The following ZNF521 variants were observed in gnomAD, a reference collection of about 807,000 sequenced individuals.
ZNF521 encodes the protein LYST-interacting protein 3.
ZNF521 carries 14 observed loss-of-function variants against 105.5 expected under a neutral mutation model. The ratio of observed to expected loss-of-function variants is 0.13; its 90% confidence interval spans 0.09 to 0.21. The LOEUF (loss-of-function observed/expected upper bound fraction) is 0.21, where lower values mean the gene tolerates loss of function less well. ZNF521 is among the 10% of genes least tolerant of loss of function. ZNF521 has a pLI of 1.00. For missense variants in ZNF521, 1,233 were observed against 1,629.7 expected (o/e 0.76, Z 4.19); for synonymous variants, 635 against 606.0 (o/e 1.05, Z -0.70).
Position 25,224,601 on chromosome 18 carries a change from C to T in ZNF521, c.3317G>A (p.Gly1106Asp). 6.2e-7 allele frequency: 1 copy of T among 1,614,112 alleles called. No individual in the cohort carries two copies. The highest frequency in any genetic ancestry group is 1.7e-5 in the Admixed American group (1 of 60,018). Reference sequence around the variant, plus strand: ...ATTCGTGCCGGGAGGGACGTTAATGCCTGGGCTGGCGCTCTTACTGAGATT... The same window carrying T: ...ATTCGTGCCGGGAGGGACGTTAATGTCTGGGCTGGCGCTCTTACTGAGATT... ...CVNLSKSASP[G>D]INVPPGTNRP... The change falls in exon 4 of 8, where the codon GGC becomes GAC. Residue 1106 changes from glycine (G) to aspartate (D), a missense_variant. Physicochemically the swap from Gly to Asp is moderately conservative, Grantham distance 94. This residue lies in a region of ZNF521 where 614 missense variants were observed against 751.5 expected (regional missense o/e 0.82). Transcript: ENST00000361524.
In ZNF521 at chr18:25,224,487, T is replaced by G; in HGVS notation, c.3431A>C (p.Asn1144Thr). The G allele has an allele frequency of 6.2e-7, 1 of 1,614,086 alleles. No individual in the cohort carries two copies. The highest frequency in any genetic ancestry group is 8.5e-7 in the Non-Finnish European group (1 of 1,179,994). Residue 1144 changes from asparagine to threonine, a missense_variant, in exon 4 of 8, where the codon AAC (asparagine) becomes ACC (threonine). Physicochemically the swap from Asn to Thr is moderately conservative, Grantham distance 65. Around this residue, in one of 6 missense-constraint regions of ZNF521, gnomAD observed 614 missense variants for 751.5 expected, o/e 0.82. Coordinates refer to ENST00000361524, the MANE Select transcript of ZNF521 (RefSeq NM_015461.3). ...GGLKTRCSSC[N>T]VKFESESELQ... Reference sequence around the variant, plus strand: ...TTCACTTTCAGACTCAAACTTAACGTTGCAGCTAGAGCAGCGTGTCTTCAG... The same window carrying G: ...TTCACTTTCAGACTCAAACTTAACGGTGCAGCTAGAGCAGCGTGTCTTCAG...
intron 5 of ZNF521, among the ~76,000 whole-genome samples, chr18:25,148,042 C>T (rs375175261): frequency 3.9e-5 from 6 of 152,072 alleles, no homozygotes; most frequent in African/African-American, 1.4e-4. Context: ...CAGCTGGCCC[C>T]TACTGAGAAA....
At chr18:25,278,870 T>C (rs1387286407) in intron 3 of ZNF521, among the ~76,000 whole-genome samples, 5 of 152,240 alleles carry the variant, frequency 3.3e-5, no homozygotes, top group African/African-American at 4.8e-5. Flanking sequence ...GGTCACTTTT[T>C]ACAGTAGGTT....
intron 3 of ZNF521, among the ~76,000 whole-genome samples, chr18:25,272,552 C>T (rs957269671): frequency 1.3e-5 from 2 of 152,078 alleles, no homozygotes; most frequent in African/African-American, 4.8e-5. Context: ...GAAAATATGG[C>T]ATATATACAC....
intron 3 of ZNF521, among the ~76,000 whole-genome samples, chr18:25,289,535 A>G (rs1475682713): frequency 6.6e-6 from 1 of 152,240 alleles, no homozygotes; most frequent in East Asian, 1.9e-4. Context: ...AGCGCATCAT[A>G]AAACCAGCCC....
chr18:25,295,801 T>C (rs1257528269), intron 3 of ZNF521, among the ~76,000 whole-genome samples: 1 of 152,180 alleles, frequency 6.6e-6, no homozygotes, highest in African/African-American at 2.4e-5. Context: ...CATACCTGTT[T>C]CTCCAGGGTA....
At chr18:25,329,302 C>T (rs1327621378) in intron 2 of ZNF521, among the ~76,000 whole-genome samples, 2 of 152,100 alleles carry the variant, frequency 1.3e-5, no homozygotes, top group African/African-American at 2.4e-5. Flanking sequence ...CCATTTGAAA[C>T]TTATCACTTT....
intron 3 of ZNF521, among the ~76,000 whole-genome samples, chr18:25,314,806 T>C (rs1320875877): frequency 6.6e-6 from 1 of 152,224 alleles, no homozygotes; most frequent in Non-Finnish European, 1.5e-5. Flanking sequence ...CAACTCAAGT[T>C]TGCAAATTAG....
At chr18:25,273,187 T>A (rs1418970347) in intron 3 of ZNF521, among the ~76,000 whole-genome samples, 1 of 117,352 alleles carries the variant, frequency 8.5e-6, no homozygotes, top group East Asian at 2.7e-4. Context: ...AGATCGCTCC[T>A]CTGTGCTCCC....
At position 25,095,089 on chromosome 18, in the gene ZNF521, TG is replaced by T. The variant is rs573481033; in HGVS notation, c.3659-3009del. Among the ~76,000 whole-genome samples the T allele has an allele frequency of 2.9e-3, 444 of 152,130 alleles. 3 individuals are homozygous for T. The highest frequency in any genetic ancestry group is 9.7e-3 in the African/African-American group (404 of 41,514). On this transcript the variant is annotated intron_variant, in intron 5 of 7. Coordinates refer to ENST00000361524, the MANE Select transcript of ZNF521 (RefSeq NM_015461.3). Reference sequence around the variant, plus strand: ...ATTCTTGAAAACCCTTAGAATTGGGTGGGGGGGATCTGGCTGAGTTAAACCC... The same window carrying T: ...ATTCTTGAAAACCCTTAGAATTGGGTGGGGGGATCTGGCTGAGTTAAACCC...
At chr18:25,284,910 GCACA>G (rs45525437) in intron 3 of ZNF521, among the ~76,000 whole-genome samples, 32 of 148,658 alleles carry the variant, frequency 2.2e-4, no homozygotes, top group South Asian at 6.4e-4. Flanking sequence ...GTGCGCGCGC[GCACA>G]CACACACACA....
At chr18:25,332,478 A>G (rs1214137363) in intron 2 of ZNF521, among the ~76,000 whole-genome samples, 1 of 152,112 alleles carries the variant, frequency 6.6e-6, no homozygotes, top group Non-Finnish European at 1.5e-5. Flanking sequence ...TTTAAAATAC[A>G]TACAACCCTA....
intron 2 of ZNF521, chr18:25,345,204 TC>T (rs1914409292): frequency 6.6e-6 from 1 of 152,062 alleles, no homozygotes; most frequent in African/African-American, 2.4e-5. Flanking sequence ...ATGCTACGAG[TC>T]TTGCACTAGA....
intron 5 of ZNF521, among the ~76,000 whole-genome samples, chr18:25,096,671 T>C (rs966525800): frequency 3.3e-4 from 50 of 152,180 alleles, no homozygotes; most frequent in African/African-American, 1.2e-3. Context: ...GGGGCCCCCT[T>C]ATATCGTCTG....
At chr18:25,104,630 A>G (rs1158488265) in intron 5 of ZNF521, among the ~76,000 whole-genome samples, 1 of 152,206 alleles carries the variant, frequency 6.6e-6, no homozygotes, top group Non-Finnish European at 1.5e-5. Context: ...AAAGATTAGC[A>G]TGAGGATTTT....
At chr18:25,122,640 T>C (rs1421840816) in intron 5 of ZNF521, among the ~76,000 whole-genome samples, 1 of 152,176 alleles carries the variant, frequency 6.6e-6, no homozygotes, top group Non-Finnish European at 1.5e-5. Context: ...TTTATGGACC[T>C]GAATGTTGAT....
chr18:25,342,853 CA>C (rs61013614), intron 2 of ZNF521, among the ~76,000 whole-genome samples: 6,616 of 152,252 alleles, frequency 0.043, 490 homozygotes, highest in African/African-American at 0.15. Flanking sequence ...ATGCTGAAAG[CA>C]ATTAATATGT....
At chr18:25,235,689 G>A (rs1225697385) in intron 3 of ZNF521, among the ~76,000 whole-genome samples, 1 of 152,154 alleles carries the variant, frequency 6.6e-6, no homozygotes, top group African/African-American at 2.4e-5. Flanking sequence ...TATTGGAGCC[G>A]AATTTCACCT....
At chr18:25,203,178 G>A (rs1005859622) in intron 4 of ZNF521, among the ~76,000 whole-genome samples, 5 of 152,190 alleles carry the variant, frequency 3.3e-5, no homozygotes, top group Non-Finnish European at 7.3e-5. Context: ...TCAGAACCAA[G>A]TGCCTATTTT....
Sources: allele counts gnomAD v4.1 joint callset (sites outside exome capture counted in the v4.1 genomes callset), GRCh38; gene constraint gnomAD v4.1.1; regional missense constraint gnomAD v4.1.1; transcripts MANE v1.5; gene names NCBI Gene and HGNC (gene_info 2026-07-23, HGNC 2026-07-21).